Variants in SIPA1L3 observed in about 807,000 individuals in gnomAD.
The protein encoded by SIPA1L3 is signal induced proliferation associated 1 like 3, also known as signal-induced proliferation-associated 1-like protein 3.
A neutral mutation model predicts 150.1 loss-of-function variants in SIPA1L3; 59 were observed. That is an observed-to-expected ratio of 0.39 (90% confidence interval 0.32 to 0.49). The LOEUF (loss-of-function observed/expected upper bound fraction) is 0.49, where lower values mean the gene tolerates loss of function less well. Among genes scored for constraint, SIPA1L3 ranks in the 20% least tolerant of loss-of-function variants. The pLI is 0.86. For synonymous variants in SIPA1L3, 1,070 were observed against 1,077.6 expected (o/e 0.99, Z 0.14); for missense variants, 2,211 against 2,489.5 (o/e 0.89, Z 2.38).
At chr19:38,126,832 G>A (rs960062636) in intron 9 of SIPA1L3, among the ~76,000 whole-genome samples, 1 of 152,006 alleles carries the variant, frequency 6.6e-6, no homozygotes, top group Non-Finnish European at 1.5e-5. Flanking sequence ...CACTGTGCCC[G>A]GCCCAATTTT....
intron 1 of SIPA1L3, among the ~76,000 whole-genome samples, chr19:37,990,920 T>A (rs1967489993): frequency 6.6e-6 from 1 of 152,188 alleles, no homozygotes; most frequent in African/African-American, 2.4e-5. Flanking sequence ...GGAGGTAACT[T>A]GTCCACTGCC....
intron 1 of SIPA1L3, among the ~76,000 whole-genome samples, chr19:38,023,566 A>G (rs985185017): frequency 3.3e-5 from 5 of 152,218 alleles, no homozygotes; most frequent in African/African-American, 1.2e-4. Context: ...AAGACTGGAC[A>G]GGGATGGGTA....
At chr19:38,014,169 A>G (rs114574803) in intron 1 of SIPA1L3, among the ~76,000 whole-genome samples, 1 of 152,210 alleles carries the variant, frequency 6.6e-6, no homozygotes, top group Non-Finnish European at 1.5e-5. Context: ...TGGAGAGCCC[A>G]TGGCATTCGT....
At chr19:38,000,283 A>G (rs1486882644) in intron 1 of SIPA1L3, among the ~76,000 whole-genome samples, 2 of 152,002 alleles carry the variant, frequency 1.3e-5, no homozygotes, top group African/African-American at 4.8e-5. Flanking sequence ...CCTGGCCAAC[A>G]TGGTGAAACC....
chr19:37,944,009 G>A (rs913640138), intron 1 of SIPA1L3, among the ~76,000 whole-genome samples: 7 of 152,150 alleles, frequency 4.6e-5, no homozygotes, highest in Admixed American at 1.3e-4. Context: ...AGCATGGGCC[G>A]GACACGCCTG....
chr19:38,141,781 G>A (rs1205319666), intron 11 of SIPA1L3, among the ~76,000 whole-genome samples: 2 of 152,144 alleles, frequency 1.3e-5, no homozygotes, highest in Admixed American at 6.6e-5. Flanking sequence ...CCAGGAGTTA[G>A]AGAGCTTGGG....
intron 1 of SIPA1L3, among the ~76,000 whole-genome samples, chr19:37,919,314 AT>A (rs2046438793): frequency 6.6e-6 from 1 of 152,198 alleles, no homozygotes; most frequent in South Asian, 2.1e-4. Flanking sequence ...TGTTGAATTA[AT>A]GATACGAGCC....
At chr19:37,933,043 CTCT>C (rs1164561323) in intron 1 of SIPA1L3, among the ~76,000 whole-genome samples, 1 of 152,156 alleles carries the variant, frequency 6.6e-6, no homozygotes, top group East Asian at 1.9e-4. Context: ...CCTCAGTTTC[CTCT>C]TCTTGTGAAA....
chr19:37,982,620 GGATCAAAGCCCGCCA>G (rs1967230001), intron 1 of SIPA1L3, among the ~76,000 whole-genome samples: 1 of 152,198 alleles, frequency 6.6e-6, no homozygotes, highest in Non-Finnish European at 1.5e-5. Flanking sequence ...TCTACCGTCT[GGATCAAAGCCCGCCA>G]TGTAAATGGC....
At chr19:38,123,719 C>T (rs1482578651) in intron 9 of SIPA1L3, among the ~76,000 whole-genome samples, 3 of 152,110 alleles carry the variant, frequency 2.0e-5, no homozygotes, top group Non-Finnish European at 4.4e-5. Context: ...CCACCTTTCC[C>T]CCCTTTCTAT....
Position 38,100,169 on chromosome 19 carries a change from G to T in SIPA1L3, c.1854+19G>T, listed in dbSNP as rs747173203. 1 of 1,526,162 alleles carries T rather than the reference G, an allele frequency of 6.6e-7. No homozygotes were observed. The highest frequency in any genetic ancestry group is 2.2e-5 in the Admixed American group (1 of 45,230). The allele number at this position is 1,526,162 out of a possible 1,614,324, so 94.5% of individuals were successfully genotyped here. On this transcript the variant is annotated intron_variant, in intron 5 of 21. Coordinates refer to ENST00000222345, the MANE Select transcript of SIPA1L3 (RefSeq NM_015073.3). ...GCAAGGGGTGAGTCAGGGGCTGGAG[G>T]TGGGGGTGCTGCTGGGGCAGTACCT...
chr19:38,187,826 C>T (rs894257294), intron 16 of SIPA1L3, among the ~76,000 whole-genome samples: 3 of 151,644 alleles, frequency 2.0e-5, no homozygotes, highest in Non-Finnish European at 1.5e-5. Flanking sequence ...AGTGAAACCC[C>T]GTCTCTACGA....
intron 2 of SIPA1L3, among the ~76,000 whole-genome samples, chr19:38,064,590 T>C (rs2145786753): frequency 1.3e-5 from 2 of 152,102 alleles, no homozygotes; most frequent in South Asian, 4.2e-4. Context: ...TCCCAGCTGC[T>C]TGGGAGGCTG....
intron 1 of SIPA1L3, among the ~76,000 whole-genome samples, chr19:37,998,519 CAT>C (rs1337459813): frequency 2.6e-5 from 4 of 152,222 alleles, no homozygotes; most frequent in Middle Eastern, 3.2e-3. Context: ...TGGTGCCACA[CAT>C]GTGTATTCCC....
chr19:38,178,288 A>C (rs1250062336), intron 15 of SIPA1L3, among the ~76,000 whole-genome samples: 1 of 151,678 alleles, frequency 6.6e-6, no homozygotes, highest in African/African-American at 2.4e-5. Context: ...GGATCATTTG[A>C]GCCCCGGAGT....
chr19:38,081,550 CCAGTGCCCGT>C lies in SIPA1L3; in HGVS notation c.-15_-6del. 6.4e-7 allele frequency: 1 copy of C among 1,561,298 alleles called. No individual in the cohort carries two copies. The highest frequency in any genetic ancestry group is 8.7e-7 in the Non-Finnish European group (1 of 1,150,116). ...CACAGCGTACGGGGCCAGCAGCACT[CCAGTGCCCGT>C]GGACTATGACCACCTATCGGGCCAT... On this transcript the variant is annotated 5_prime_UTR_variant, in exon 3 of 22. Coordinates refer to ENST00000222345, the MANE Select transcript of SIPA1L3 (RefSeq NM_015073.3).
At chr19:38,104,426 A>G (rs1970575105) in intron 6 of SIPA1L3, among the ~76,000 whole-genome samples, 1 of 152,162 alleles carries the variant, frequency 6.6e-6, no homozygotes, top group Non-Finnish European at 1.5e-5. Context: ...CTTTGCCCCA[A>G]ACATCCTGAG....
chr19:38,064,653 C>G (rs143639970), intron 2 of SIPA1L3, among the ~76,000 whole-genome samples: 64 of 152,202 alleles, frequency 4.2e-4, no homozygotes, highest in African/African-American at 1.5e-3. Context: ...GAGCCAAGAT[C>G]GCGCCACTGC....
Position 38,082,653 on chromosome 19 carries a change from C to G in SIPA1L3, c.1088C>G (p.Ser363Trp). 3 of 1,607,148 alleles carry G rather than the reference C, an allele frequency of 1.9e-6. No individual in the cohort carries two copies. Among genetic ancestry groups the G allele is most frequent in the Non-Finnish European group, 2.5e-6 (3 of 1,179,692 alleles). The change falls in exon 3 of 22, where the codon TCG (serine) becomes TGG (tryptophan). Residue 363 changes from serine to tryptophan, a missense_variant. Physicochemically the swap from Ser to Trp is radical, Grantham distance 177. This residue lies in a region of SIPA1L3 where 587 missense variants were observed against 534.5 expected (regional missense o/e 1.10). Coordinates refer to ENST00000222345, the MANE Select transcript of SIPA1L3 (RefSeq NM_015073.3). ...NEAAANRVSV[S>W]QRRNTTTGAS... ...GCGGCCGCCAACAGGGTGTCGGTGTCGCAGCGGCGGAACACCACCACGGGT... is the reference window on the plus strand; with the variant it reads ...GCGGCCGCCAACAGGGTGTCGGTGTGGCAGCGGCGGAACACCACCACGGGT...
Sources: gnomAD v4.1 joint callset for allele counts (sites outside exome capture counted in the v4.1 genomes callset) on GRCh38, gnomAD v4.1.1 for gene constraint, gnomAD v4.1.1 regional missense constraint, MANE v1.5 for transcripts, NCBI Gene and HGNC (gene_info 2026-07-23, HGNC 2026-07-21) for gene names.